The following SLC4A10 variants were observed in gnomAD, a reference collection of about 807,000 sequenced individuals.
SLC4A10 encodes the protein sodium-driven chloride bicarbonate exchanger.
A neutral mutation model predicts 137.7 loss-of-function variants in SLC4A10; 42 were observed. The observed-to-expected ratio is 0.30, with a 90% CI of 0.24 to 0.39. The LOEUF (loss-of-function observed/expected upper bound fraction) is 0.39, where lower values mean the gene tolerates loss of function less well. SLC4A10 is among the 10% of genes least tolerant of loss of function. SLC4A10 has a pLI of 1.00. For missense variants in SLC4A10, 925 were observed against 1,355.0 expected, an observed-to-expected ratio of 0.68 and a Z score of 4.98; for synonymous variants, 474 against 464.1, an observed-to-expected ratio of 1.02 and a Z score of -0.27.
intron 2 of SLC4A10, among the ~76,000 whole-genome samples, chr2:161,798,113 TCTCC>T (rs2054979932): frequency 6.6e-6 from 1 of 151,996 alleles, no homozygotes. Flanking sequence ...TCTCTGTTAC[TCTCC>T]CTTAGCAGAA....
intron 1 of SLC4A10, among the ~76,000 whole-genome samples, chr2:161,628,454 A>G (rs990385585): frequency 8.3e-4 from 127 of 152,214 alleles, no homozygotes; most frequent in African/African-American, 3.0e-3. Flanking sequence ...CCATATTTCC[A>G]AGTGGCCCAG....
At chr2:161,923,197 C>T (rs142708306) in intron 15 of SLC4A10, among the ~76,000 whole-genome samples, 10 of 152,220 alleles carry the variant, frequency 6.6e-5, no homozygotes, top group Non-Finnish European at 8.8e-5. Context: ...TAAACAAGAT[C>T]GCTTAGAGCA....
In SLC4A10 at chr2:161,854,909, T is replaced by C. The variant is rs530109122; in HGVS notation, c.417-61T>C. The C allele has an allele frequency of 9.7e-6, 14 of 1,446,350 alleles. No individual in the cohort carries two copies. In the African/African-American group the frequency reaches 1.9e-4, roughly 19 times the overall value. 89.6% of individuals were successfully genotyped at this position (1,446,350 alleles called of 1,614,324 possible). A position where few individuals can be genotyped will look rare whatever the true frequency, so the allele number is the denominator to read the frequency against. Reference sequence around the variant, plus strand: ...TTCTATTTCAACCTTTTATTTTTGGTATAAAGGATCATTAACCTACAATAT... The same window carrying C: ...TTCTATTTCAACCTTTTATTTTTGGCATAAAGGATCATTAACCTACAATAT... On this transcript the variant is annotated intron_variant, in intron 4 of 26. Transcript: ENST00000446997.
chr2:161,903,591 C>T lies in SLC4A10; in HGVS notation c.1443-413C>T, dbSNP rs193219352. 3.3e-5 allele frequency among the ~76,000 whole-genome samples: 5 copies of T among 152,254 alleles called. No individual in the cohort carries two copies. In the East Asian group the frequency reaches 9.6e-4, roughly 29 times the overall value. On this transcript the variant is annotated intron_variant, in intron 12 of 26. Coordinates refer to ENST00000446997, the MANE Select transcript of SLC4A10 (RefSeq NM_001178015.2). ...ATACAAAAGCCAGCTAACCCTCCCT[C>T]CCTCACTTCCTGCTATGCTAAATGG...
At chr2:161,630,677 G>A (rs1037764829) in intron 1 of SLC4A10, among the ~76,000 whole-genome samples, 2 of 151,514 alleles carry the variant, frequency 1.3e-5, no homozygotes, top group Non-Finnish European at 3.0e-5. Context: ...TAGCATCAAC[G>A]GCTGAGTTCC....
At chr2:161,665,158 C>A (rs1248408691) in intron 1 of SLC4A10, among the ~76,000 whole-genome samples, 2 of 151,634 alleles carry the variant, frequency 1.3e-5, no homozygotes, top group Non-Finnish European at 3.0e-5. Flanking sequence ...CTTTGCAAGC[C>A]CTTAGATGAG....
intron 1 of SLC4A10, among the ~76,000 whole-genome samples, chr2:161,634,660 A>G (rs1391713025): frequency 1.3e-5 from 2 of 152,050 alleles, no homozygotes; most frequent in African/African-American, 4.8e-5. Flanking sequence ...ATAATCAAAT[A>G]AGGGTAATTA....
Position 161,905,735 on chromosome 2 carries a change from C to G in SLC4A10, c.1845C>G (p.Ser615=). ...CIILVATDAS[S]LVCYITRFTE... ...TACTTGTGGCCACAGATGCTAGTTC[C>G]CTTGTCTGCTACATCACTCGGTTTA... The change falls in exon 15 of 27, where the codon TCC becomes TCG. Residue 615 remains serine (S), a synonymous_variant. Coordinates refer to ENST00000446997, the MANE Select transcript of SLC4A10 (RefSeq NM_001178015.2). The G allele has an allele frequency of 6.2e-7, 1 of 1,613,934 alleles. No homozygotes were observed. The highest frequency in any genetic ancestry group is 8.5e-7 in the Non-Finnish European group (1 of 1,179,890).
chr2:161,681,926 C>T (rs760745576), intron 1 of SLC4A10, among the ~76,000 whole-genome samples: 3 of 152,034 alleles, frequency 2.0e-5, no homozygotes, highest in African/African-American at 7.2e-5. Context: ...GCTGATATTT[C>T]TATTTTTGTC....
At position 161,660,584 on chromosome 2, in the gene SLC4A10, C is replaced by CTTTCT. The variant is rs750157665; in HGVS notation, c.48+36021_48+36025dup. ...TCTTTCTTTCTTTCTTTCTTTCTTT[C>CTTTCT]TTTCTTTCTTTCTTTCTTTCTTTCT... is the stretch of plus-strand genomic sequence containing the variant. On this transcript the variant is annotated intron_variant, in intron 1 of 26. Transcript: ENST00000446997. Among the ~76,000 whole-genome samples the CTTTCT allele has an allele frequency of 2.0e-3, 258 of 131,072 alleles. 3 individuals are homozygous for CTTTCT. The highest frequency in any genetic ancestry group is 3.6e-3 in the Non-Finnish European group (209 of 57,544). 86.0% of individuals were successfully genotyped at this position (131,072 alleles called of 152,430 possible).
At chr2:161,775,600 T>C (rs1458518220) in intron 2 of SLC4A10, among the ~76,000 whole-genome samples, 1 of 151,868 alleles carries the variant, frequency 6.6e-6, no homozygotes, top group Non-Finnish European at 1.5e-5. Flanking sequence ...AGAATGCCAC[T>C]CTATACTGAG....
At chr2:161,967,025 A>C (rs1053990145) in intron 23 of SLC4A10, among the ~76,000 whole-genome samples, 2 of 152,176 alleles carry the variant, frequency 1.3e-5, no homozygotes, top group African/African-American at 4.8e-5. Context: ...CTTGCCTTTC[A>C]GTCTTTTTGA....
rs79552187 is a variant in SLC4A10, at chr2:161,713,185, G to C, written c.49-57788G>C. Among the ~76,000 whole-genome samples the C allele has an allele frequency of 1.4e-3, 214 of 151,884 alleles. 5 individuals carry two copies. The East Asian group carries it at 0.04, about 29-fold the overall frequency. ...ATAACTTAGACTTACCACAGGAAAG[G>C]TTTGTTGGGACCAGATAAGTGTAGA... On this transcript the variant is annotated intron_variant, in intron 1 of 26. Transcript: ENST00000446997.
At chr2:161,772,014 C>A (rs1171568626) in intron 2 of SLC4A10, among the ~76,000 whole-genome samples, 1 of 151,786 alleles carries the variant, frequency 6.6e-6, no homozygotes, top group African/African-American at 2.4e-5. Context: ...TATCTTTAGT[C>A]ACAACACTGA....
At chr2:161,905,025 T>G in intron 14 of SLC4A10, 116 bp downstream of exon 14, 1 of 1,015,558 alleles carries the variant, frequency 9.8e-7, no homozygotes, top group Non-Finnish European at 1.4e-6. Context: ...GCCTGATTTG[T>G]TTCAGTTTAT....
At chr2:161,800,136 C>T (rs2055213072) in intron 2 of SLC4A10, among the ~76,000 whole-genome samples, 1 of 151,996 alleles carries the variant, frequency 6.6e-6, no homozygotes, top group African/African-American at 2.4e-5. Flanking sequence ...TCTGTCTATT[C>T]AGTCCACCTT....
chr2:161,634,715 T>C (rs2034130948), intron 1 of SLC4A10, among the ~76,000 whole-genome samples: 1 of 152,012 alleles, frequency 6.6e-6, no homozygotes, highest in Admixed American at 6.6e-5. Flanking sequence ...TATGAAAACA[T>C]TCAAAATCCT....
intron 1 of SLC4A10, among the ~76,000 whole-genome samples, chr2:161,736,635 G>A (rs2047373838): frequency 6.6e-6 from 1 of 152,116 alleles, no homozygotes; most frequent in African/African-American, 2.4e-5. Flanking sequence ...TCACGATCAT[G>A]AGAAAAGAAT....
intron 1 of SLC4A10, among the ~76,000 whole-genome samples, chr2:161,742,969 A>AT (rs990273846): frequency 1.9e-4 from 29 of 151,910 alleles, no homozygotes; most frequent in Middle Eastern, 3.4e-3. Context: ...AGATTATTAG[A>AT]TTTTTTTTAT....
Sources: allele counts gnomAD v4.1 joint callset (sites outside exome capture counted in the v4.1 genomes callset), GRCh38; gene constraint gnomAD v4.1.1; transcripts MANE v1.5; gene names NCBI Gene and HGNC (gene_info 2026-07-23, HGNC 2026-07-21).